The following ROBO2 variants were observed in gnomAD, a reference collection of about 807,000 sequenced individuals.
ROBO2 encodes the protein roundabout homolog 2.
ROBO2 carries 53 observed loss-of-function variants against 160.8 expected under a neutral mutation model. The observed-to-expected ratio is 0.33, with a 90% confidence interval of 0.26 to 0.41. The LOEUF (loss-of-function observed/expected upper bound fraction) is 0.41. Ranked by LOEUF, ROBO2 falls within the 10% of genes least tolerant of loss-of-function variation. The pLI is 1.00. For synonymous variants in ROBO2, 664 were observed against 611.7 expected (o/e 1.09, Z -1.26); for missense variants, 1,577 against 1,722.4 (o/e 0.92, Z 1.49).
chr3:77,254,438 T>C (rs1580407878), intron 2 of ROBO2, among the ~76,000 whole-genome samples: 1 of 141,180 alleles, frequency 7.1e-6, no homozygotes, highest in African/African-American at 2.6e-5. Context: ...ATTAAAATAC[T>C]TCTTTTTTTT....
chr3:76,360,100 C>A (rs1363321498), intron 2 of ROBO2, among the ~76,000 whole-genome samples: 1 of 152,024 alleles, frequency 6.6e-6, no homozygotes, highest in Admixed American at 6.6e-5. Flanking sequence ...AGAGATGTGG[C>A]TGTTCTGCAA....
At chr3:77,589,017 A>C in intron 17 of ROBO2, 84 bp downstream of exon 18, 2 of 1,514,018 alleles carry the variant, frequency 1.3e-6, no homozygotes, top group Non-Finnish European at 1.8e-6. Context: ...GGAATAACAA[A>C]TGAGTGATTT....
intron 24 of ROBO2, among the ~76,000 whole-genome samples, chr3:77,639,126 G>T (rs796627971): frequency 3.1e-4 from 47 of 152,068 alleles, no homozygotes; most frequent in African/African-American, 1.1e-3. Context: ...CACCATGCCC[G>T]GCCCCTTTCC....
chr3:75,992,516 C>G (rs549931644), intron 2 of ROBO2, among the ~76,000 whole-genome samples: 16 of 152,242 alleles, frequency 1.1e-4, no homozygotes, highest in African/African-American at 3.9e-4. Flanking sequence ...ATCTGTATGC[C>G]CAGGCAGAAG....
At chr3:76,538,183 A>ACACACC (rs1491035997) in intron 2 of ROBO2, among the ~76,000 whole-genome samples, 14 of 148,118 alleles carry the variant, frequency 9.5e-5, no homozygotes, top group African/African-American at 3.4e-4. Context: ...ACACACACAC[A>ACACACC]CCATATTCAT....
intron 2 of ROBO2, among the ~76,000 whole-genome samples, chr3:77,244,247 AG>A (rs2089427685): frequency 6.6e-6 from 1 of 152,214 alleles, no homozygotes. Flanking sequence ...ATTAACATAT[AG>A]GCTTTATAAA....
intron 2 of ROBO2, among the ~76,000 whole-genome samples, chr3:76,029,453 T>A (rs1027045733): frequency 3.3e-5 from 5 of 152,102 alleles, no homozygotes; most frequent in Non-Finnish European, 7.4e-5. Context: ...GCCATGTTGG[T>A]GTGCTGTACC....
chr3:77,151,824 C>A (rs1303367317), intron 2 of ROBO2, among the ~76,000 whole-genome samples: 2 of 152,164 alleles, frequency 1.3e-5, no homozygotes, highest in Non-Finnish European at 2.9e-5. Context: ...TAAGCAATAT[C>A]AGTTGTACCT....
At chr3:77,042,493 G>A (rs1003316225) in intron 1 of ROBO2, among the ~76,000 whole-genome samples, 2 of 152,120 alleles carry the variant, frequency 1.3e-5, no homozygotes, top group Non-Finnish European at 2.9e-5. Flanking sequence ...TTTTATATAA[G>A]CGTTTTTAAA....
intron 2 of ROBO2, among the ~76,000 whole-genome samples, chr3:76,661,333 A>G (rs1413316849): frequency 6.6e-6 from 1 of 152,196 alleles, no homozygotes; most frequent in African/African-American, 2.4e-5. Flanking sequence ...TAGATTGCTG[A>G]AAACAGAGTA....
At chr3:77,200,265 TTTTATATATATA>T (rs1326598170) in intron 2 of ROBO2, among the ~76,000 whole-genome samples, 34 of 59,058 alleles carry the variant, frequency 5.8e-4, no homozygotes, top group East Asian at 9.6e-4. Flanking sequence ...AACTAACATA[TTTTATATATATA>T]TATATATATA....
intron 2 of ROBO2, among the ~76,000 whole-genome samples, chr3:76,883,814 A>C (rs1281665710): frequency 6.6e-6 from 1 of 152,222 alleles, no homozygotes; most frequent in African/African-American, 2.4e-5. Context: ...CAACAATATT[A>C]TCTCTCAATA....
At chr3:77,495,953 A>C (rs1168044010) in intron 5 of ROBO2, among the ~76,000 whole-genome samples, 1 of 152,200 alleles carries the variant, frequency 6.6e-6, no homozygotes, top group African/African-American at 2.4e-5. Context: ...CTGACAACTT[A>C]AGCTGCTACA....
In ROBO2 at chr3:77,182,282, A is replaced by T. The variant is rs142824982; in HGVS notation, c.388+83942A>T. ...CAAATAATTCAGAATTTACTTGTTC[A>T]TTCAACAACTAATGTTTGAGAACCA... On this transcript the variant is annotated intron_variant, in intron 2 of 25. Transcript: ENST00000461745. Among the ~76,000 whole-genome samples, 327 of 152,212 alleles carry T rather than the reference A, an allele frequency of 2.1e-3. 3 individuals are homozygous for T. Among genetic ancestry groups the T allele is most frequent in the African/African-American group, 7.6e-3 (316 of 41,562 alleles).
intron 2 of ROBO2, among the ~76,000 whole-genome samples, chr3:76,132,006 G>A (rs914854645): frequency 6.6e-6 from 1 of 152,094 alleles, no homozygotes; most frequent in African/African-American, 2.4e-5. Flanking sequence ...TTTGAGCCTT[G>A]TGCAAACTCC....
intron 2 of ROBO2, among the ~76,000 whole-genome samples, chr3:77,010,372 T>G (rs2061812374): frequency 6.6e-6 from 1 of 152,134 alleles, no homozygotes; most frequent in African/African-American, 2.4e-5. Context: ...GTAATCAATT[T>G]AGAAAACACA....
At chr3:77,421,795 A>G (rs2077737962) in intron 2 of ROBO2, among the ~76,000 whole-genome samples, 1 of 152,172 alleles carries the variant, frequency 6.6e-6, no homozygotes, top group African/African-American at 2.4e-5. Context: ...TCCATTGGTT[A>G]TCTTTTTTTC....
intron 2 of ROBO2, among the ~76,000 whole-genome samples, chr3:76,104,927 G>C (rs930157722): frequency 6.6e-6 from 1 of 152,092 alleles, no homozygotes; most frequent in Non-Finnish European, 1.5e-5. Context: ...TCTTTTTCAA[G>C]GACCAGGTTA....
chr3:77,582,074 C>G (rs1397141116), intron 16 of ROBO2, among the ~76,000 whole-genome samples: 1 of 152,106 alleles, frequency 6.6e-6, no homozygotes, highest in African/African-American at 2.4e-5. Context: ...TTGTAAGTAA[C>G]TGCATGGATT....
Sources: allele counts gnomAD v4.1 joint callset (sites outside exome capture counted in the v4.1 genomes callset), GRCh38; gene constraint gnomAD v4.1.1; transcripts MANE v1.5; gene names NCBI Gene and HGNC (gene_info 2026-07-23, HGNC 2026-07-21).